The following CNTN3 variants were observed in gnomAD, a reference collection of about 807,000 sequenced individuals.
CNTN3 encodes the protein contactin 3.
In CNTN3, 60 loss-of-function variants were observed where a neutral mutation model predicts 119.1. The observed-to-expected ratio is 0.50, with a 90% CI of 0.41 to 0.62. CNTN3 has a LOEUF of 0.62. Ranked by LOEUF, CNTN3 falls within the 20% of genes least tolerant of loss-of-function variation. The pLI is 0.00. For missense variants in CNTN3, 1,101 were observed against 1,242.4 expected, an observed-to-expected ratio of 0.89 and a Z score of 1.71; for synonymous variants, 450 against 438.7, an observed-to-expected ratio of 1.03 and a Z score of -0.32.
intron 1 of CNTN3, among the ~76,000 whole-genome samples, chr3:74,543,113 G>A (rs922474261): frequency 1.3e-5 from 2 of 151,944 alleles, no homozygotes; most frequent in African/African-American, 4.8e-5. Context: ...CTGGGCAACT[G>A]AGCAAGACCT....
intron 20 of CNTN3, among the ~76,000 whole-genome samples, chr3:74,279,640 G>A (rs566297875): frequency 6.9e-4 from 103 of 149,554 alleles, no homozygotes; most frequent in African/African-American, 2.5e-3. Flanking sequence ...GACTTGGGGG[G>A]AAGGTTGGGA....
chr3:74,499,915 C>T (rs568041134), intron 2 of CNTN3, 130 bp from the exon 3 acceptor site: 7 of 795,402 alleles, frequency 8.8e-6, no homozygotes, highest in Admixed American at 3.3e-5. Flanking sequence ...AAGCAAAATG[C>T]TCTGTAGACA....
intron 4 of CNTN3, among the ~76,000 whole-genome samples, chr3:74,484,182 G>A (rs915039795): frequency 3.0e-4 from 46 of 152,120 alleles, no homozygotes; most frequent in African/African-American, 1.1e-3. Flanking sequence ...CAGGGCCTGG[G>A]TAGTCCACCA....
chr3:74,534,799 G>A (rs1043851860), intron 1 of CNTN3, among the ~76,000 whole-genome samples: 7 of 151,746 alleles, frequency 4.6e-5, no homozygotes, highest in Non-Finnish European at 1.0e-4. Flanking sequence ...TTATTAGATT[G>A]GTGCAAAAGT....
rs142108823 is a variant in CNTN3, at chr3:74,396,558, A to G, written c.455-25159T>C. Among the ~76,000 whole-genome samples, 772 of 148,274 alleles carry G rather than the reference A, an allele frequency of 5.2e-3. 7 individuals are homozygous for G. Among genetic ancestry groups the G allele is most frequent in the African/African-American group, 0.018 (741 of 40,700 alleles). ...TCAGGAGATCGAGACCACCCTGGCT[A>G]ACACGGTGAAACACCATCTCTACTA... is the stretch of plus-strand genomic sequence containing the variant. On this transcript the variant is annotated intron_variant, in intron 5 of 22. Transcript: ENST00000263665.
intron 1 of CNTN3, among the ~76,000 whole-genome samples, chr3:74,570,524 A>G (rs1704296642): frequency 7.5e-6 from 1 of 133,756 alleles, no homozygotes; most frequent in African/African-American, 2.9e-5. Context: ...AGAAGAAAAA[A>G]AAAGAGTGTC....
In CNTN3 at chr3:74,411,215, T is replaced by TAA. The variant is rs11368414; in HGVS notation, c.454+13628_454+13629dup. Among the ~76,000 whole-genome samples, 466 of 151,236 alleles carry TAA rather than the reference T, an allele frequency of 3.1e-3. 2 individuals carry two copies. The highest frequency in any genetic ancestry group is 3.8e-3 in the African/African-American group (156 of 41,246). On this transcript the variant is annotated intron_variant, in intron 5 of 22. Transcript: ENST00000263665. ...ATGGAAGAATAACATTTAAAATAGGTAAAAAAAAAGTCACTCTATTTGAAG... is the reference window on the plus strand; with the variant it reads ...ATGGAAGAATAACATTTAAAATAGGTAAAAAAAAAAAGTCACTCTATTTGAAG...
chr3:74,590,119 A>T (rs58143263), intron 1 of CNTN3, among the ~76,000 whole-genome samples: 18,641 of 151,874 alleles, frequency 0.12, 1,305 homozygotes, highest in East Asian at 0.24. Context: ...AATAAAAAAA[A>T]GTATAATAAT....
intron 1 of CNTN3, among the ~76,000 whole-genome samples, chr3:74,591,849 G>T (rs6766092): frequency 0.18 from 26,973 of 151,742 alleles, 4,251 homozygotes; most frequent in African/African-American, 0.42. Context: ...GTGGGCCTTG[G>T]TTGGCAATGT....
intron 13 of CNTN3, among the ~76,000 whole-genome samples, chr3:74,311,339 G>T: frequency 6.6e-6 from 1 of 152,170 alleles, no homozygotes; most frequent in East Asian, 1.9e-4. Flanking sequence ...TTTGATATCA[G>T]CTGTAACTAT....
intron 1 of CNTN3, among the ~76,000 whole-genome samples, chr3:74,589,290 G>C (rs1309309030): frequency 6.6e-6 from 1 of 151,940 alleles, no homozygotes; most frequent in Non-Finnish European, 1.5e-5. Context: ...TCAAAAAGTG[G>C]GCAAAGGATA....
intron 8 of CNTN3, 111 bp downstream of exon 8, chr3:74,369,078 C>G: frequency 1.4e-6 from 1 of 690,962 alleles, no homozygotes; most frequent in African/African-American, 1.9e-5. Context: ...GTTTAACCAA[C>G]AAGTTGAACA....
intron 2 of CNTN3, among the ~76,000 whole-genome samples, chr3:74,517,156 C>A (rs1412161398): frequency 6.6e-6 from 1 of 151,788 alleles, no homozygotes; most frequent in Admixed American, 6.6e-5. Flanking sequence ...GACCTGTAAC[C>A]TCCCTCTCCT....
chr3:74,505,661 A>G (rs887714782), intron 2 of CNTN3, among the ~76,000 whole-genome samples: 7 of 152,094 alleles, frequency 4.6e-5, no homozygotes, highest in Admixed American at 2.6e-4. Flanking sequence ...TGTCACCTGC[A>G]GCTAAAAGCT....
rs188271423 is a variant in CNTN3 at position 74,459,817 on chromosome 3, G to A, written c.358+26639C>T. 3.5e-3 allele frequency among the ~76,000 whole-genome samples: 524 copies of A among 151,868 alleles called. 7 individuals are homozygous for A. The highest frequency in any genetic ancestry group is 4.6e-3 in the Admixed American group (70 of 15,210). Reference sequence around the variant, plus strand: ...ACCTTTAATTCACTTTCATAAACTCGGGCTATTATACTTTTCTGGAGCACT... The same window carrying A: ...ACCTTTAATTCACTTTCATAAACTCAGGCTATTATACTTTTCTGGAGCACT... On this transcript the variant is annotated intron_variant, in intron 4 of 22. Transcript: ENST00000263665.
At chr3:74,346,751 ATC>A (rs1412144821) in intron 11 of CNTN3, among the ~76,000 whole-genome samples, 1 of 151,192 alleles carries the variant, frequency 6.6e-6, no homozygotes, top group African/African-American at 2.4e-5. Context: ...CCATCCATCC[ATC>A]CATCCATCCA....
intron 2 of CNTN3, among the ~76,000 whole-genome samples, chr3:74,517,080 T>C (rs968874528): frequency 2.0e-5 from 3 of 151,858 alleles, no homozygotes; most frequent in Admixed American, 6.6e-5. Flanking sequence ...GACTCCAAGT[T>C]TTTAGACAAA....
At chr3:74,461,115 T>C (rs533160888) in intron 4 of CNTN3, among the ~76,000 whole-genome samples, 1 of 152,034 alleles carries the variant, frequency 6.6e-6, no homozygotes, top group East Asian at 1.9e-4. Context: ...ATACAATTAC[T>C]TTTCTTTCCC....
intron 19 of CNTN3, among the ~76,000 whole-genome samples, chr3:74,293,950 A>C (rs1166375111): frequency 1.3e-5 from 2 of 152,144 alleles, no homozygotes; most frequent in East Asian, 1.9e-4. Flanking sequence ...CACTAACTAT[A>C]ATCTCTATAA....
Sources: gnomAD v4.1 joint callset for allele counts (sites outside exome capture counted in the v4.1 genomes callset) on GRCh38, gnomAD v4.1.1 for gene constraint, MANE v1.5 for transcripts, NCBI Gene and HGNC (gene_info 2026-07-23, HGNC 2026-07-21) for gene names.